PCDH9: variants seen among roughly 807,000 people sequenced by gnomAD.
The protein encoded by PCDH9 is protocadherin-9.
A neutral mutation model predicts 70.6 loss-of-function variants in PCDH9; 24 were observed. The observed-to-expected ratio is 0.34, with a 90% CI of 0.25 to 0.48. The LOEUF (loss-of-function observed/expected upper bound fraction) is 0.48, where lower values mean the gene tolerates loss of function less well. Among genes scored for constraint, PCDH9 ranks in the 20% least tolerant of loss-of-function variants. The pLI, the probability that PCDH9 is intolerant of heterozygous loss-of-function variation, is 0.99. For synonymous variants in PCDH9, 562 were observed against 558.5 expected, an observed-to-expected ratio of 1.01 and a Z score of -0.09; for missense variants, 1,281 against 1,503.6, an observed-to-expected ratio of 0.85 and a Z score of 2.45.
At chr13:66,882,958 TAGAG>T (rs2081945975) in intron 3 of PCDH9, among the ~76,000 whole-genome samples, 1 of 152,204 alleles carries the variant, frequency 6.6e-6, no homozygotes, top group Admixed American at 6.5e-5. Context: ...TCACACTATC[TAGAG>T]AATGACTTTC....
intron 4 of PCDH9, among the ~76,000 whole-genome samples, chr13:66,570,837 A>G (rs2076723630): frequency 6.6e-6 from 1 of 152,084 alleles, no homozygotes; most frequent in Non-Finnish European, 1.5e-5. Context: ...TCATTAGAGG[A>G]CACATTAAGA....
intron 4 of PCDH9, among the ~76,000 whole-genome samples, chr13:66,424,743 T>C (rs1957639125): frequency 6.6e-6 from 1 of 151,976 alleles, no homozygotes; most frequent in African/African-American, 2.4e-5. Context: ...CAATTTCGTC[T>C]GAGATGATCA....
intron 4 of PCDH9, among the ~76,000 whole-genome samples, chr13:66,586,099 G>T (rs3920786): frequency 0.26 from 39,730 of 151,996 alleles, 5,427 homozygotes; most frequent in South Asian, 0.35. Flanking sequence ...AGAGTGAGAG[G>T]ATACCCTTGT....
intron 2 of PCDH9, among the ~76,000 whole-genome samples, chr13:67,113,027 C>G (rs1022330762): frequency 6.6e-6 from 1 of 152,164 alleles, no homozygotes; most frequent in Non-Finnish European, 1.5e-5. Context: ...ATTTGGGCCT[C>G]CTTTTCCCTG....
chr13:66,870,407 A>G (rs2081655681), intron 3 of PCDH9, among the ~76,000 whole-genome samples: 1 of 152,122 alleles, frequency 6.6e-6, no homozygotes, highest in Non-Finnish European at 1.5e-5. Context: ...TAAACTAAAG[A>G]GCTTCTTCAC....
chr13:66,984,300 C>T (rs1390327142), intron 2 of PCDH9, among the ~76,000 whole-genome samples: 1 of 152,146 alleles, frequency 6.6e-6, no homozygotes, highest in Middle Eastern at 3.2e-3. Flanking sequence ...TTAACAATTA[C>T]TTAAATCAGA....
chr13:66,563,469 A>T (rs2076606612), intron 4 of PCDH9, among the ~76,000 whole-genome samples: 1 of 152,158 alleles, frequency 6.6e-6, no homozygotes, highest in South Asian at 2.1e-4. Flanking sequence ...ATCTATTACA[A>T]TTACAAATGA....
At chr13:66,512,168 T>C (rs1959506761) in intron 4 of PCDH9, among the ~76,000 whole-genome samples, 1 of 151,872 alleles carries the variant, frequency 6.6e-6, no homozygotes, top group African/African-American at 2.4e-5. Context: ...TCCTGCAAGA[T>C]TGACCACATT....
intron 2 of PCDH9, among the ~76,000 whole-genome samples, chr13:66,957,706 T>C (rs1363831466): frequency 2.0e-5 from 3 of 151,558 alleles, no homozygotes; most frequent in Non-Finnish European, 2.9e-5. Context: ...TCACTCTCTT[T>C]CTCTCTCTCT....
intron 2 of PCDH9, among the ~76,000 whole-genome samples, chr13:67,073,447 T>C (rs2085807737): frequency 6.6e-6 from 1 of 152,090 alleles, no homozygotes. Context: ...TACATGAGGC[T>C]GCTTAAAGTT....
At chr13:66,559,943 A>T (rs1961935066) in intron 4 of PCDH9, among the ~76,000 whole-genome samples, 1 of 151,404 alleles carries the variant, frequency 6.6e-6, no homozygotes, top group Non-Finnish European at 1.5e-5. Flanking sequence ...CAGTCATTTT[A>T]ACATACACAG....
At chr13:66,447,974 G>T (rs1204480638) in intron 4 of PCDH9, among the ~76,000 whole-genome samples, 1 of 152,064 alleles carries the variant, frequency 6.6e-6, no homozygotes, top group Non-Finnish European at 1.5e-5. Context: ...TTCTCATTGT[G>T]TGAACCTCAC....
At chr13:66,930,705 A>G (rs946830258) in intron 2 of PCDH9, among the ~76,000 whole-genome samples, 1 of 152,136 alleles carries the variant, frequency 6.6e-6, no homozygotes, top group African/African-American at 2.4e-5. Context: ...TGTATTTTGC[A>G]CATATTAATG....
intron 4 of PCDH9, among the ~76,000 whole-genome samples, chr13:66,555,640 G>A (rs1961701175): frequency 7.2e-6 from 1 of 139,126 alleles, no homozygotes; most frequent in Admixed American, 7.1e-5. Flanking sequence ...TGAGGGTAGG[G>A]CTTTTGACAT....
intron 2 of PCDH9, among the ~76,000 whole-genome samples, chr13:66,983,259 A>G (rs2083813508): frequency 6.6e-6 from 1 of 152,196 alleles, no homozygotes; most frequent in Non-Finnish European, 1.5e-5. Context: ...ATGAATAAAA[A>G]TAATAAATGA....
intron 4 of PCDH9, among the ~76,000 whole-genome samples, chr13:66,363,380 T>A (rs1956503022): frequency 6.6e-6 from 1 of 152,200 alleles, no homozygotes; most frequent in Admixed American, 6.5e-5. Context: ...AAATTAAGAT[T>A]GTCCATTAGG....
intron 4 of PCDH9, among the ~76,000 whole-genome samples, chr13:66,340,326 C>A (rs1472939011): frequency 6.6e-6 from 1 of 152,084 alleles, no homozygotes; most frequent in African/African-American, 2.4e-5. Flanking sequence ...TTGGGAGGCA[C>A]AAAAGAACCT....
Position 66,932,659 on chromosome 13 carries a change from C to CT in PCDH9, c.3037-29055_3037-29054insA, listed in dbSNP as rs376219788. Among the ~76,000 whole-genome samples the CT allele has an allele frequency of 5.4e-4, 70 of 130,358 alleles. 1 individual carries two copies. The highest frequency in any genetic ancestry group is 2.2e-3 in the African/African-American group (69 of 31,114). The allele number at this position is 130,358 out of a possible 152,430, so 85.5% of individuals were successfully genotyped here. On this transcript the variant is annotated intron_variant, in intron 2 of 4. Coordinates refer to ENST00000377865, the MANE Select transcript of PCDH9 (RefSeq NM_203487.3). ...CTAGGCTTAAATGTGTAAATCCTCA[C>CT]ATATATATATATATATATATATACA...
At chr13:66,372,388 T>G (rs1023203231) in intron 4 of PCDH9, among the ~76,000 whole-genome samples, 2 of 151,612 alleles carry the variant, frequency 1.3e-5, no homozygotes, top group Non-Finnish European at 2.9e-5. Flanking sequence ...AGAGCGAGAG[T>G]AAGTATGTTT....
Sources: gnomAD v4.1 joint callset for allele counts (sites outside exome capture counted in the v4.1 genomes callset) on GRCh38, gnomAD v4.1.1 for gene constraint, MANE v1.5 for transcripts, NCBI Gene and HGNC (gene_info 2026-07-23, HGNC 2026-07-21) for gene names.